The following GDPD1 variants were observed in gnomAD, a reference collection of about 807,000 sequenced individuals.
The protein encoded by GDPD1 is glycerophosphodiester phosphodiesterase domain containing 1.
In GDPD1, 28 loss-of-function variants were observed where a neutral mutation model predicts 45.1. The observed-to-expected ratio is 0.62, with a 90% CI of 0.46 to 0.85. The LOEUF (loss-of-function observed/expected upper bound fraction) is 0.85. Among genes scored for constraint, GDPD1 ranks in the 40% least tolerant of loss-of-function variants. The pLI is 0.00. For missense variants in GDPD1, 256 were observed against 364.8 expected (o/e 0.70, Z 2.43); for synonymous variants, 139 against 131.4 (o/e 1.06, Z -0.40).
chr17:59,233,223 A>C (rs1326918731), intron 1 of GDPD1, among the ~76,000 whole-genome samples: 5 of 151,634 alleles, frequency 3.3e-5, no homozygotes, highest in Non-Finnish European at 7.4e-5. Flanking sequence ...CTCAAGAAAA[A>C]ACAAAACAGG....
chr17:59,237,006 A>G (rs2047137192), intron 2 of GDPD1, among the ~76,000 whole-genome samples: 1 of 152,200 alleles, frequency 6.6e-6, no homozygotes, highest in African/African-American at 2.4e-5. Flanking sequence ...AAAAATTACA[A>G]ATATTCTACT....
At chr17:59,235,116 A>C (rs1247524969) in intron 2 of GDPD1, among the ~76,000 whole-genome samples, 1 of 152,152 alleles carries the variant, frequency 6.6e-6, no homozygotes, top group Non-Finnish European at 1.5e-5. Context: ...TCTTAGAGTC[A>C]ATGATTATCA....
chr17:59,224,642 AAAAAC>A lies in GDPD1; in HGVS notation c.142+3896_142+3900del, dbSNP rs1568336486. The stretch of plus-strand genomic sequence containing the variant: ...TCCATCTCAAAAAAAAAAAAAAACA[AAAAAC>A]AAAAACAAAAAAAACTACGACTTGT... On this transcript the variant is annotated intron_variant, in intron 1 of 9. Coordinates refer to ENST00000284116, the MANE Select transcript of GDPD1 (RefSeq NM_182569.4). Among the ~76,000 whole-genome samples the A allele has an allele frequency of 5.5e-3, 691 of 124,594 alleles. 3 individuals carry two copies. Among genetic ancestry groups the A allele is most frequent in the Non-Finnish European group, 9.4e-3 (472 of 50,414 alleles). The allele number at this position is 124,594 out of a possible 152,430, so 81.7% of individuals were successfully genotyped here.
intron 1 of GDPD1, among the ~76,000 whole-genome samples, chr17:59,224,304 TTAAGAAACTACCACTTG>T (rs1421721981): frequency 4.5e-4 from 69 of 152,220 alleles, no homozygotes; most frequent in African/African-American, 1.5e-3. Flanking sequence ...CAATGACCTT[TTAAGAAACTACCACTTG>T]TAAGAAACTA....
At chr17:59,232,990 C>T (rs970346199) in intron 1 of GDPD1, among the ~76,000 whole-genome samples, 3 of 151,088 alleles carry the variant, frequency 2.0e-5, no homozygotes, top group African/African-American at 7.3e-5. Flanking sequence ...CTGAGGTGGG[C>T]AGATCACTTG....
intron 4 of GDPD1, among the ~76,000 whole-genome samples, chr17:59,256,535 G>A (rs568349622): frequency 6.6e-6 from 1 of 152,138 alleles, no homozygotes; most frequent in African/African-American, 2.4e-5. Context: ...TGATGATATA[G>A]CAAAACTTTA....
chr17:59,248,987 G>C (rs191271063), intron 4 of GDPD1: 6 of 415,638 alleles, frequency 1.4e-5, no homozygotes, highest in Non-Finnish European at 1.7e-5. Context: ...TTCATGTACA[G>C]TTAACTTAAA....
At chr17:59,222,449 G>A (rs1167864674) in intron 1 of GDPD1, among the ~76,000 whole-genome samples, 2 of 141,290 alleles carry the variant, frequency 1.4e-5, no homozygotes, top group African/African-American at 2.6e-5. Flanking sequence ...CTCGTGATCC[G>A]CCCATCTCGG....
Position 59,234,526 on chromosome 17 carries a change from C to A in GDPD1, c.177C>A (p.Ala59=). The change falls in exon 2 of 10, where the codon GCC becomes GCA. Residue 59 remains alanine, a synonymous_variant. Coordinates refer to ENST00000284116, the MANE Select transcript of GDPD1 (RefSeq NM_182569.4). The stretch of plus-strand genomic sequence containing the variant: ...AAAATTTGGAGAATACAATGGCAGC[C>A]TTTCAGCAGTAAGTATGTAAAAAAG... The part of the protein sequence containing the change: ...AGENLENTMA[A]FQHAVKIGTD... 6.2e-7 allele frequency: 1 copy of A among 1,601,598 alleles called. No individual in the cohort carries two copies. Among genetic ancestry groups the A allele is most frequent in the Non-Finnish European group, 8.5e-7 (1 of 1,169,816 alleles).
rs1217296987 is a variant in GDPD1, at chr17:59,267,673, G to T, written c.710+499G>T. Among the ~76,000 whole-genome samples, 161 of 140,968 alleles carry T rather than the reference G, an allele frequency of 1.1e-3. 1 individual carries two copies. The highest frequency in any genetic ancestry group is 7.5e-3 in the Middle Eastern group (2 of 266). The allele number at this position is 140,968 out of a possible 152,430, so 92.5% of individuals were successfully genotyped here. A position where few individuals can be genotyped will look rare whatever the true frequency, so the allele number is the denominator to read the frequency against. ...GATACTGTTTTTATAGTGGTTTTTT[G>T]TTTTTTTTTTTTTGAGATGGAGTTT... is the stretch of plus-strand genomic sequence containing the variant. On this transcript the variant is annotated intron_variant, in intron 7 of 9. Coordinates refer to ENST00000284116, the MANE Select transcript of GDPD1 (RefSeq NM_182569.4).
chr17:59,234,966 GTGT>G (rs1180779958), intron 2 of GDPD1, among the ~76,000 whole-genome samples: 1 of 149,896 alleles, frequency 6.7e-6, no homozygotes, highest in South Asian at 2.2e-4. Flanking sequence ...AGCCTCAGGA[GTGT>G]TGATCTTTTT....
intron 6 of GDPD1, among the ~76,000 whole-genome samples, chr17:59,259,372 C>A (rs2047334811): frequency 6.6e-6 from 1 of 151,656 alleles, no homozygotes; most frequent in Admixed American, 6.6e-5. Context: ...TTGAGACCAT[C>A]CTGGCTAACG....
chr17:59,222,063 T>C (rs1644015363), intron 1 of GDPD1, among the ~76,000 whole-genome samples: 1 of 152,168 alleles, frequency 6.6e-6, no homozygotes, highest in Non-Finnish European at 1.5e-5. Flanking sequence ...TTATCTGTTT[T>C]AATAGCTACC....
At chr17:59,231,951 G>T (rs1394403372) in intron 1 of GDPD1, among the ~76,000 whole-genome samples, 1 of 152,148 alleles carries the variant, frequency 6.6e-6, no homozygotes, top group Non-Finnish European at 1.5e-5. Context: ...AAGGAGTTTA[G>T]CATGAAGGAT....
rs2047471973 is a variant in GDPD1, at chr17:59,275,052, G to GGA, written c.*1279_*1280insGA. The GGA allele has an allele frequency of 3.4e-6, 3 of 882,492 alleles. No homozygotes were observed. The highest frequency in any genetic ancestry group is 2.1e-5 in the Admixed American group (1 of 48,564). The allele number at this position is 882,492 out of a possible 1,614,324, so 54.7% of individuals were successfully genotyped here. A position where few individuals can be genotyped will look rare whatever the true frequency, so the allele number is the denominator to read the frequency against. On this transcript the variant is annotated 3_prime_UTR_variant, in exon 10 of 10. Coordinates refer to ENST00000284116, the MANE Select transcript of GDPD1 (RefSeq NM_182569.4). Reference sequence around the variant, plus strand: ...AGACAGGGTTTTGCCACGTTGGCCAGACTGGTCTCGAACTCCTGACCTCAG... The same window carrying GGA: ...AGACAGGGTTTTGCCACGTTGGCCAGGAACTGGTCTCGAACTCCTGACCTCAG...
At chr17:59,245,264 C>A in intron 2 of GDPD1, 150 bp from the exon 3 acceptor site, 1 of 520,834 alleles carries the variant, frequency 1.9e-6, no homozygotes, top group Non-Finnish European at 3.4e-6. Context: ...AGAATATTTT[C>A]ATATTAATAA....
chr17:59,268,597 A>G (rs970037983), intron 7 of GDPD1, among the ~76,000 whole-genome samples: 4 of 124,874 alleles, frequency 3.2e-5, no homozygotes, highest in Non-Finnish European at 7.3e-5. Flanking sequence ...AAAAAAAAAA[A>G]AAAAAGAAAA....
intron 2 of GDPD1, among the ~76,000 whole-genome samples, chr17:59,239,519 A>T (rs2047159340): frequency 2.0e-5 from 3 of 151,966 alleles, no homozygotes; most frequent in South Asian, 2.1e-4. Flanking sequence ...TGATAAAAAA[A>T]TTTTTCTCAC....
intron 4 of GDPD1, among the ~76,000 whole-genome samples, chr17:59,252,730 TG>T (rs1424314459): frequency 6.7e-6 from 1 of 149,016 alleles, no homozygotes; most frequent in Non-Finnish European, 1.5e-5. Context: ...CCTGGTGCGG[TG>T]GCTCACGCCT....
Sources: gnomAD v4.1 joint callset for allele counts (sites outside exome capture counted in the v4.1 genomes callset) on GRCh38, gnomAD v4.1.1 for gene constraint, MANE v1.5 for transcripts, NCBI Gene and HGNC (gene_info 2026-07-23, HGNC 2026-07-21) for gene names.